Variants in MAP7 observed in about 807,000 individuals in gnomAD.
MAP7 encodes the protein ensconsin.
Under a neutral mutation model 94.8 loss-of-function variants are expected in MAP7, and 52 were observed. That is an observed-to-expected ratio of 0.55 (90% CI 0.44 to 0.69). MAP7 has a LOEUF of 0.69. Ranked by LOEUF, MAP7 falls within the 30% of genes least tolerant of loss-of-function variation. The pLI, the probability that MAP7 is intolerant of heterozygous loss-of-function variation, is 0.00. For synonymous variants in MAP7, 350 were observed against 357.0 expected, an observed-to-expected ratio of 0.98 and a Z score of 0.22; for missense variants, 940 against 964.6, an observed-to-expected ratio of 0.97 and a Z score of 0.34.
chr6:136,426,376 T>A (rs1459553164), intron 1 of MAP7, among the ~76,000 whole-genome samples: 2 of 152,242 alleles, frequency 1.3e-5, no homozygotes, highest in African/African-American at 4.8e-5. Context: ...AAAGGTTATA[T>A]GACATACTAT....
intron 1 of MAP7, among the ~76,000 whole-genome samples, chr6:136,473,084 A>G (rs1478007510): frequency 1.3e-5 from 2 of 151,938 alleles, no homozygotes; most frequent in Non-Finnish European, 2.9e-5. Flanking sequence ...TCTTCTTTCC[A>G]CCTGAAATGT....
chr6:136,542,636 G>A (rs561289095), intron 1 of MAP7, among the ~76,000 whole-genome samples: 25 of 151,904 alleles, frequency 1.6e-4, no homozygotes, highest in Non-Finnish European at 2.8e-4. Flanking sequence ...TGGCACTTCC[G>A]TCTATAATCA....
At chr6:136,457,691 G>A (rs964766627) in intron 1 of MAP7, among the ~76,000 whole-genome samples, 2 of 151,674 alleles carry the variant, frequency 1.3e-5, no homozygotes, top group Admixed American at 6.6e-5. Context: ...CAGAATGAAG[G>A]ATTAAAAAAA....
At chr6:136,524,869 A>C (rs1239708706) in intron 1 of MAP7, among the ~76,000 whole-genome samples, 1 of 152,268 alleles carries the variant, frequency 6.6e-6, no homozygotes, top group Non-Finnish European at 1.5e-5. Flanking sequence ...TTGATACCTC[A>C]GTGACAGAAT....
chr6:136,395,459 T>C (rs1157794976), intron 3 of MAP7, among the ~76,000 whole-genome samples: 2 of 151,120 alleles, frequency 1.3e-5, no homozygotes, highest in Non-Finnish European at 2.9e-5. Flanking sequence ...ATATTCTGGT[T>C]GTTAATGCTT....
chr6:136,457,075 A>C (rs1803512474), intron 1 of MAP7, among the ~76,000 whole-genome samples: 1 of 151,304 alleles, frequency 6.6e-6, no homozygotes, highest in Non-Finnish European at 1.5e-5. Context: ...CTAAAAAAAA[A>C]CTCAAACAAA....
intron 1 of MAP7, among the ~76,000 whole-genome samples, chr6:136,502,260 T>C (rs1820023853): frequency 6.6e-6 from 1 of 152,238 alleles, no homozygotes; most frequent in African/African-American, 2.4e-5. Flanking sequence ...GCTCTGTGTG[T>C]GCACACACAA....
At position 136,466,781 on chromosome 6, in the gene MAP7, A is replaced by G. The variant is rs568480738; in HGVS notation, c.68-44982T>C. 11 of 1,535,384 alleles carry G rather than the reference A, an allele frequency of 7.2e-6. No individual in the cohort carries two copies. In the South Asian group the frequency reaches 9.5e-5, roughly 13 times the overall value. ...CTTACAGTACAGTTTAGTGTCTTCC[A>G]TGCTAAAATCCTTCTTTCTTGAATA... On this transcript the variant is annotated intron_variant, in intron 1 of 17. Coordinates refer to ENST00000354570, the MANE Select transcript of MAP7 (RefSeq NM_003980.6).
At chr6:136,429,951 C>T (rs1451127973) in intron 1 of MAP7, among the ~76,000 whole-genome samples, 1 of 152,180 alleles carries the variant, frequency 6.6e-6, no homozygotes, top group African/African-American at 2.4e-5. Context: ...CAAGCATTAT[C>T]CCTGCCCCAC....
intron 3 of MAP7, among the ~76,000 whole-genome samples, chr6:136,410,130 T>C (rs1372389081): frequency 2.6e-5 from 4 of 152,164 alleles, no homozygotes; most frequent in Non-Finnish European, 4.4e-5. Flanking sequence ...GTGAGTTAAG[T>C]ATGGAAAAGC....
In MAP7 at chr6:136,422,975, G is replaced by A. The variant is rs770422056; in HGVS notation, c.68-1176C>T. ...CTTGGTACATAACCAGTTGAGTGGC[G>A]AGAAAGTTATTTGGCCTCTCTAAGT... is the stretch of plus-strand genomic sequence containing the variant. On this transcript the variant is annotated intron_variant, in intron 1 of 17. Transcript: ENST00000354570. Among the ~76,000 whole-genome samples the A allele has an allele frequency of 6.8e-4, 103 of 152,290 alleles. 3 individuals carry two copies. Among genetic ancestry groups the A allele is most frequent in the Non-Finnish European group, 3.1e-4 (21 of 68,032 alleles).
chr6:136,517,107 A>G (rs1825100020), intron 1 of MAP7, among the ~76,000 whole-genome samples: 1 of 152,224 alleles, frequency 6.6e-6, no homozygotes, highest in Non-Finnish European at 1.5e-5. Flanking sequence ...AATCATATTT[A>G]AAATAACAAG....
intron 1 of MAP7, among the ~76,000 whole-genome samples, chr6:136,514,340 G>A (rs1024557656): frequency 6.6e-5 from 10 of 151,308 alleles, no homozygotes; most frequent in Non-Finnish European, 1.3e-4. Flanking sequence ...ATCCCAGCAC[G>A]TTGGGAGGCC....
At position 136,411,711 on chromosome 6, in the gene MAP7, T is replaced by TA. The variant is rs772661573; in HGVS notation, c.167-15dup. On this transcript the variant is annotated splice_polypyrimidine_tract_variant and intron_variant, in intron 2 of 17. Transcript: ENST00000354570. ...CAGGCGGAGGGTCTGAAAGCGAGAT[T>TA]AAAAAAAACATGAGATGAAGAGTGG... 3.1e-5 allele frequency: 48 copies of TA among 1,535,758 alleles called. No homozygotes were observed. The highest frequency in any genetic ancestry group is 1.8e-4 in the Middle Eastern group (1 of 5,678).
At chr6:136,537,220 T>G (rs1335083399) in intron 1 of MAP7, among the ~76,000 whole-genome samples, 4 of 152,084 alleles carry the variant, frequency 2.6e-5, no homozygotes, top group African/African-American at 7.2e-5. Context: ...AGTTTGTAAA[T>G]AAGTTGAAGA....
At chr6:136,390,192 G>C (rs1780308701) in intron 3 of MAP7, among the ~76,000 whole-genome samples, 1 of 152,132 alleles carries the variant, frequency 6.6e-6, no homozygotes. Context: ...TTTAGGAAAA[G>C]ATATGCCCCC....
At chr6:136,445,229 C>T (rs528261559) in intron 1 of MAP7, among the ~76,000 whole-genome samples, 1 of 152,282 alleles carries the variant, frequency 6.6e-6, no homozygotes, top group East Asian at 1.9e-4. Flanking sequence ...AGGACGGCTT[C>T]CCTCCAGTAG....
chr6:136,537,228 A>C (rs1320313465), intron 1 of MAP7, among the ~76,000 whole-genome samples: 1 of 152,146 alleles, frequency 6.6e-6, no homozygotes, highest in African/African-American at 2.4e-5. Context: ...AATAAGTTGA[A>C]GAACTGACAT....
intron 1 of MAP7, among the ~76,000 whole-genome samples, chr6:136,546,292 C>T (rs1045944812): frequency 2.6e-5 from 4 of 151,602 alleles, no homozygotes; most frequent in African/African-American, 4.9e-5. Flanking sequence ...AGATTACAGG[C>T]GTGAGCTACT....
Sources: allele counts gnomAD v4.1 joint callset (sites outside exome capture counted in the v4.1 genomes callset), GRCh38; gene constraint gnomAD v4.1.1; transcripts MANE v1.5; gene names NCBI Gene and HGNC (gene_info 2026-07-23, HGNC 2026-07-21).